The following C2 variants were observed in gnomAD, a reference collection of about 807,000 sequenced individuals.
C2 encodes complement C2.
A neutral mutation model predicts 85.2 loss-of-function variants in C2; 64 were observed. The observed-to-expected ratio is 0.75, with a 90% CI of 0.61 to 0.92. The LOEUF (loss-of-function observed/expected upper bound fraction) is 0.92. C2 is among the 40% of genes least tolerant of loss of function. The probability of loss-of-function intolerance (pLI) is 0.00; values close to 1 mark genes in which losing one functional copy is unlikely to be tolerated. For missense variants in C2, 820 were observed against 971.6 expected (o/e 0.84, Z 2.07); for synonymous variants, 311 against 370.8 (o/e 0.84, Z 1.85).
rs974073852 is a variant in C2 at position 31,907,122 on chromosome 6, A to G, written c.73+5983A>G. ...GCCACTGCACTCCAGCCTGGGTGAC[A>G]AGAGTGAAACTCTGTCTTAAAAAAA... On this transcript the variant is annotated intron_variant, in intron 1 of 3. Transcript: ENST00000452202. Among the ~76,000 whole-genome samples the G allele has an allele frequency of 6.0e-5, 9 of 150,756 alleles. 1 individual carries two copies. The highest frequency in any genetic ancestry group is 2.1e-4 in the South Asian group (1 of 4,724).
At chr6:31,899,890 A>G, upstream of C2, 17 of 1,327,438 alleles carry the variant, frequency 1.3e-5, no homozygotes, top group Non-Finnish European at 1.6e-5. Flanking sequence ...CACGCAGCCC[A>G]GGGGCCCCAG....
At chr6:31,915,012 C>T (rs1480457619), upstream of C2, among the ~76,000 whole-genome samples, 3 of 152,098 alleles carry the variant, frequency 2.0e-5, no homozygotes, top group Non-Finnish European at 2.9e-5. Context: ...TCAGGGGCCC[C>T]GTGGTCTATG....
intron 3 of C2, among the ~76,000 whole-genome samples, chr6:31,931,262 CTTT>C (rs748883719): frequency 3.6e-5 from 4 of 111,450 alleles, no homozygotes; most frequent in Non-Finnish European, 3.8e-5. Flanking sequence ...TAGGAACATT[CTTT>C]TTTTTTTTTT....
rs1768893219 is a variant in C2 at position 31,920,578 on chromosome 6, C to T, written c.-100+552C>T. Among the ~76,000 whole-genome samples, 1 of 152,078 alleles carries T rather than the reference C, an allele frequency of 6.6e-6. No individual in the cohort carries two copies. The highest frequency in any genetic ancestry group is 2.4e-5 in the African/African-American group (1 of 41,404). On this transcript the variant is annotated intron_variant, in intron 1 of 3. Transcript: ENST00000413154. The surrounding 1 kb of genome is among the most constrained non-coding windows in gnomAD (Gnocchi z 5.6). Reference sequence around the variant, plus strand: ...GTTTACCACCCTCTTACCTGGGTTACCCAGGGCAGCTCCCCTGATGGGTAG... The same window carrying T: ...GTTTACCACCCTCTTACCTGGGTTATCCAGGGCAGCTCCCCTGATGGGTAG...
chr6:31,934,237 C>A lies in C2; in HGVS notation c.787C>A (p.Gln263Lys), dbSNP rs755835929. Reference protein sequence around the residue: ...LNLYLLLDCSQSVSENDFLIF... With the variant: ...LNLYLLLDCSKSVSENDFLIF... ...CCTCTACCTGCTCCTGGACTGTTCG[C>A]AGAGTGTGTCGGAAAATGACTTTCT... The change falls in exon 6 of 18, where the codon CAG becomes AAG. Residue 263 changes from glutamine to lysine, a missense_variant. Coordinates refer to ENST00000299367, the MANE Select transcript of C2 (RefSeq NM_000063.6). 1.2e-6 allele frequency: 2 copies of A among 1,614,038 alleles called. No homozygotes were observed.
rs1770198270 is a variant in C2, at chr6:31,934,162, C to T, written c.716-4C>T. On this transcript the variant is annotated splice_polypyrimidine_tract_variant and splice_region_variant and intron_variant, in intron 5 of 17. Transcript: ENST00000299367. ...CTGAATCCTCCCCTTCCACATTTCTCCAGAAAGCCTGGGCCGTAAAATCCA... is the reference window on the plus strand; with the variant it reads ...CTGAATCCTCCCCTTCCACATTTCTTCAGAAAGCCTGGGCCGTAAAATCCA... 6.2e-7 allele frequency: 1 copy of T among 1,614,096 alleles called. No homozygotes were observed. Among genetic ancestry groups the T allele is most frequent in the Admixed American group, 1.7e-5 (1 of 60,006 alleles).
intron 3 of C2, among the ~76,000 whole-genome samples, chr6:31,930,049 AAAC>A (rs1342845171): frequency 6.6e-6 from 1 of 151,742 alleles, no homozygotes; most frequent in Non-Finnish European, 1.5e-5. Flanking sequence ...AAAACAAAAA[AAAC>A]AGCCCCTGGA....
Position 31,943,458 on chromosome 6 carries a change from C to G in C2, c.1498C>G (p.Gln500Glu). 6.2e-7 allele frequency: 1 copy of G among 1,613,108 alleles called. No homozygotes were observed. The highest frequency in any genetic ancestry group is 8.5e-7 in the Non-Finnish European group (1 of 1,180,028). ...ETCRGALISD[Q>E]WVLTAAHCFR... is the part of the protein sequence containing the mutation. ...CTGCCGGGGGGCCCTCATCTCCGACCAATGGGTCCTGACAGCAGCTCATTG... is the reference window on the plus strand; with the variant it reads ...CTGCCGGGGGGCCCTCATCTCCGACGAATGGGTCCTGACAGCAGCTCATTG... Residue 500 changes from glutamine to glutamate, a missense_variant, in exon 12 of 18, where the codon CAA (glutamine) becomes GAA (glutamate). Gln to Glu is a conservative substitution (Grantham distance 29). Coordinates refer to ENST00000299367, the MANE Select transcript of C2 (RefSeq NM_000063.6). This position sits in a 1 kb window ranked among gnomAD's most constrained non-coding sequence, Gnocchi z 6.4.
In C2 at chr6:31,945,508, C is replaced by T; in HGVS notation, c.*151C>T. 1.3e-6 allele frequency: 1 copy of T among 757,592 alleles called. No homozygotes were observed. The highest frequency in any genetic ancestry group is 2.7e-5 in the East Asian group (1 of 37,554). The allele number at this position is 757,592 out of a possible 1,614,324, so 46.9% of individuals were successfully genotyped here. On this transcript the variant is annotated 3_prime_UTR_variant, in exon 18 of 18. Transcript: ENST00000299367. This position sits in a 1 kb window ranked among gnomAD's most constrained non-coding sequence, Gnocchi z 5.3. ...GGATGCCAGAGGCAGCGCACACAAG[C>T]TGGGAAATCCTCAGGGCTCCTACCA... is the stretch of plus-strand genomic sequence containing the variant.
chr6:31,939,694 C>T (rs569976844), intron 9 of C2, among the ~76,000 whole-genome samples: 6 of 152,038 alleles, frequency 3.9e-5, no homozygotes, highest in Non-Finnish European at 8.8e-5. Flanking sequence ...TTCAAGTGAT[C>T]CCCTCAACTC....
At chr6:31,928,260 A>G (rs1474108135) in intron 2 of C2, 96 bp downstream of exon 2, 1 of 1,145,750 alleles carries the variant, frequency 8.7e-7, no homozygotes, top group East Asian at 2.5e-5. Flanking sequence ...TAACCTGACT[A>G]GATGGCAAAG....
chr6:31,918,615 C>T (rs1230843405), upstream of C2, among the ~76,000 whole-genome samples: 1 of 148,476 alleles, frequency 6.7e-6, no homozygotes, highest in Non-Finnish European at 1.5e-5. Flanking sequence ...AAAAAAAAAT[C>T]CTGGCTGGGA....
chr6:31,900,341 C>A (rs768112971), upstream of C2: 3 of 1,609,798 alleles, frequency 1.9e-6, no homozygotes, highest in Admixed American at 3.3e-5. This position sits in a 1 kb window ranked among gnomAD's most constrained non-coding sequence, Gnocchi z 9.7. Flanking sequence ...TGAGAAGCCC[C>A]CAGGCAGGGG....
At position 31,928,135 on chromosome 6, in the gene C2, C is replaced by G; in HGVS notation, c.227C>G (p.Thr76Ser). 6.2e-7 allele frequency: 1 copy of G among 1,612,450 alleles called. No individual in the cohort carries two copies. ...SSGQWQTPGA[T>S]RSLSKAVCKP... is the part of the protein sequence containing the mutation. The stretch of plus-strand genomic sequence containing the variant: ...GGACAGTGGCAGACCCCAGGAGCCA[C>G]CCGGTCTCTGTCTAAGGCGGTCTGC... Residue 76 changes from threonine (T) to serine (S), a missense_variant, in exon 2 of 18, where the codon ACC (threonine) becomes AGC (serine). Coordinates refer to ENST00000299367, the MANE Select transcript of C2 (RefSeq NM_000063.6).
upstream of C2, chr6:31,900,406 C>T (rs1216812367): frequency 2.6e-6 from 4 of 1,546,620 alleles, no homozygotes; most frequent in Non-Finnish European, 3.5e-6. This position sits in a 1 kb window ranked among gnomAD's most constrained non-coding sequence, Gnocchi z 9.7. Flanking sequence ...CAGCCATGGC[C>T]ACCGCTGCTG....
At chr6:31,928,317 C>A in intron 2 of C2, 153 bp downstream of exon 2, 1 of 730,038 alleles carries the variant, frequency 1.4e-6, no homozygotes, top group Non-Finnish European at 2.4e-6. Flanking sequence ...ATGTCAATTG[C>A]CAGTAGCAAG....
rs947398632 is a variant in C2, at chr6:31,904,526, C to G, written c.73+3387C>G. On this transcript the variant is annotated intron_variant, in intron 1 of 3. Transcript: ENST00000452202. The surrounding 1 kb of genome is among the most constrained non-coding windows in gnomAD (Gnocchi z 4.4). ...ACGGGGTTTCACCATGTTGGCCAGG[C>G]TGGTCTCGAACTCCTGACCTCGGGT... Among the ~76,000 whole-genome samples, 5 of 151,956 alleles carry G rather than the reference C, an allele frequency of 3.3e-5. No homozygotes were observed. Among genetic ancestry groups the G allele is most frequent in the African/African-American group, 1.2e-4 (5 of 41,332 alleles).
intron 9 of C2, among the ~76,000 whole-genome samples, chr6:31,942,590 T>C (rs1486195479): frequency 6.6e-6 from 1 of 152,054 alleles, no homozygotes; most frequent in African/African-American, 2.4e-5. Flanking sequence ...ATTGCAGTTT[T>C]AGACAGGAAG....
intron 1 of C2, chr6:31,901,450 C>G (rs1767259593): frequency 1.1e-6 from 1 of 940,134 alleles, no homozygotes; most frequent in South Asian, 1.8e-5. Context: ...CAGATTTCTT[C>G]CTCAGTTTCC....
Sources: gnomAD v4.1 joint callset for allele counts (sites outside exome capture counted in the v4.1 genomes callset) on GRCh38, gnomAD v4.1.1 for gene constraint, Gnocchi (gnomAD v3.1) non-coding constraint, MANE v1.5 for transcripts, NCBI Gene and HGNC (gene_info 2026-07-23, HGNC 2026-07-21) for gene names.